RTL1: variants seen among roughly 807,000 people sequenced by gnomAD.
RTL1 encodes retrotransposon-like protein 1.
For synonymous variants in RTL1, 727 were observed against 748.4 expected (o/e 0.97, Z 0.47); for missense variants, 1,681 against 1,767.5 (o/e 0.95, Z 0.88).
chr14:100,881,906 C>T lies in RTL1; in HGVS notation c.2883G>A (p.Arg961=). 1.2e-6 allele frequency: 2 copies of T among 1,613,574 alleles called. No individual in the cohort carries two copies. Among genetic ancestry groups the T allele is most frequent in the Non-Finnish European group, 1.7e-6 (2 of 1,180,026 alleles). ...TEDLASLNND[R]LTVLLPGHWV... ...AATGCCCGGGGAGAAGTACGGTGAG[C>T]CTGTCATTATTCAGAGAGGCTAGAT... The change falls in exon 4 of 4, where the codon AGG becomes AGA. Residue 961 remains arginine, a synonymous_variant. Coordinates refer to ENST00000649591, the MANE Select transcript of RTL1 (RefSeq NM_001134888.3). The surrounding 1 kb of genome is among the most constrained non-coding windows in gnomAD (Gnocchi z 6.6).
Position 100,883,972 on chromosome 14 carries a change from C to A in RTL1, c.817G>T (p.Ala273Ser), listed in dbSNP as rs1335267869. 3 of 1,551,692 alleles carry A rather than the reference C, an allele frequency of 1.9e-6. No homozygotes were observed. The highest frequency in any genetic ancestry group is 2.6e-6 in the Non-Finnish European group (3 of 1,147,002). The change falls in exon 4 of 4, where the codon GCC becomes TCC. Residue 273 changes from alanine (A) to serine (S), a missense_variant. Physicochemically the swap from Ala to Ser is moderately conservative, Grantham distance 99. Coordinates refer to ENST00000649591, the MANE Select transcript of RTL1 (RefSeq NM_001134888.3). The surrounding 1 kb of genome is among the most constrained non-coding windows in gnomAD (Gnocchi z 5.9). ...CGGTACTCAAACACTTCGGACATGG[C>A]CTCCAGGAAGGCTGGGAAGTCTCCG... ...LIGDFPAFLE[A>S]MSEVFEYRQA...
intron 2 of RTL1, among the ~76,000 whole-genome samples, chr14:100,903,011 C>T (rs770572345): frequency 1.7e-4 from 26 of 152,190 alleles, no homozygotes; most frequent in Non-Finnish European, 2.9e-4. Context: ...CCGGAGGCAG[C>T]CCCCGGCCTG....
intron 2 of RTL1, among the ~76,000 whole-genome samples, 134 bp downstream of exon 2, chr14:100,903,157 C>G (rs147729385): frequency 1.8e-4 from 27 of 152,232 alleles, no homozygotes; most frequent in African/African-American, 6.0e-4. Flanking sequence ...CAGTTTTTCC[C>G]GGCGGCTTCC....
rs1305905537 is a variant in RTL1, at chr14:100,883,247, G to A, written c.1542C>T (p.Pro514=). The part of the protein sequence containing the change: ...LGIRWLRVHA[P]EVDWIKGRCT... ...AGCGGCCTTTGATCCAGTCGACTTC[G>A]GGGGCGTGGACTCGGAGCCAGCGGA... is the stretch of plus-strand genomic sequence containing the variant. The change falls in exon 4 of 4, where the codon CCC becomes CCT. Residue 514 remains proline (P), a synonymous_variant. Transcript: ENST00000649591. The surrounding 1 kb of genome is among the most constrained non-coding windows in gnomAD (Gnocchi z 5.9). The A allele has an allele frequency of 1.3e-6, 2 of 1,551,632 alleles. No homozygotes were observed. Among genetic ancestry groups the A allele is most frequent in the Non-Finnish European group, 1.7e-6 (2 of 1,146,950 alleles).
chr14:100,891,346 G>A (rs1273183535), intron 3 of RTL1, among the ~76,000 whole-genome samples: 1 of 152,222 alleles, frequency 6.6e-6, no homozygotes, highest in African/African-American at 2.4e-5. Flanking sequence ...GGCCCCATGG[G>A]CCTCGGACTT....
rs764009755 is a variant in RTL1, at chr14:100,883,295, C to T, written c.1494G>A (p.Pro498=). Residue 498 remains proline (P), a synonymous_variant, in exon 4 of 4, where the codon CCG becomes CCA. Coordinates refer to ENST00000649591, the MANE Select transcript of RTL1 (RefSeq NM_001134888.3). The surrounding 1 kb of genome is among the most constrained non-coding windows in gnomAD (Gnocchi z 5.9). The part of the protein sequence containing the change: ...ESIEFDIVPS[P]NFSVVLGIRW... Reference sequence around the variant, plus strand: ...GGATGCCTAGGACCACAGAGAAGTTCGGTGAAGGTACGATGTCAAATTCGA... The same window carrying T: ...GGATGCCTAGGACCACAGAGAAGTTTGGTGAAGGTACGATGTCAAATTCGA... The T allele has an allele frequency of 7.9e-5, 123 of 1,550,988 alleles. No individual in the cohort carries two copies. The African/African-American group carries it at 1.0e-3, about 13-fold the overall frequency.
At chr14:100,885,407 G>C (rs1359665700) in intron 3 of RTL1, among the ~76,000 whole-genome samples, 1 of 152,172 alleles carries the variant, frequency 6.6e-6, no homozygotes, top group Non-Finnish European at 1.5e-5. Flanking sequence ...TGCAGTGGAA[G>C]AGGAGAAAAT....
Position 100,881,219 on chromosome 14 carries a change from A to C in RTL1, c.3570T>G (p.Pro1190=). The C allele has an allele frequency of 6.5e-7, 1 of 1,545,914 alleles. No homozygotes were observed. Among genetic ancestry groups the C allele is most frequent in the Non-Finnish European group, 8.7e-7 (1 of 1,144,300 alleles). The change falls in exon 4 of 4, where the codon CCT becomes CCG. Residue 1190 remains proline (P), a synonymous_variant. Transcript: ENST00000649591. The surrounding 1 kb of genome is among the most constrained non-coding windows in gnomAD (Gnocchi z 6.6). ...SQAHRGLQFT[P]GFWLTLCEFF... ...ACTCACACAGCGTCAGCCAGAAGCC[A>C]GGGGTGAACTGCAGGCCTCGGTGGG...
chr14:100,898,506 T>G (rs1320406160), intron 2 of RTL1, among the ~76,000 whole-genome samples: 1 of 152,250 alleles, frequency 6.6e-6, no homozygotes, highest in Non-Finnish European at 1.5e-5. Flanking sequence ...CTGTCTTGCT[T>G]TAAAGCCTCC....
intron 2 of RTL1, chr14:100,898,934 C>G (rs913059800): frequency 2.0e-5 from 3 of 152,274 alleles, no homozygotes; most frequent in Non-Finnish European, 2.9e-5. Context: ...GTTACTCACC[C>G]TCCTTCCTTT....
chr14:100,896,450 G>C (rs2140054390), intron 2 of RTL1, among the ~76,000 whole-genome samples: 1 of 152,236 alleles, frequency 6.6e-6, no homozygotes, highest in East Asian at 1.9e-4. Context: ...TGTCTTCTTG[G>C]TGTCTGGGAG....
At position 100,884,049 on chromosome 14, in the gene RTL1, C is replaced by A. The variant is rs951097991; in HGVS notation, c.740G>T (p.Gly247Val). The A allele has an allele frequency of 6.4e-6, 10 of 1,551,692 alleles. No homozygotes were observed. The highest frequency in any genetic ancestry group is 8.7e-6 in the Non-Finnish European group (10 of 1,147,008). ...AGCTTTGGCCCATTCTAATGCCAAGCCGGACAGGTGATTGATGACATAGCC... is the reference window on the plus strand; with the variant it reads ...AGCTTTGGCCCATTCTAATGCCAAGACGGACAGGTGATTGATGACATAGCC... ...RVGYVINHLS[G>V]LALEWAKALL... The change falls in exon 4 of 4, where the codon GGC becomes GTC. Residue 247 changes from glycine (G) to valine (V), a missense_variant. Transcript: ENST00000649591.
Position 100,882,515 on chromosome 14 carries a change from A to T in RTL1, c.2274T>A (p.His758Gln). 1 of 1,551,888 alleles carries T rather than the reference A, an allele frequency of 6.4e-7. No homozygotes were observed. Among genetic ancestry groups the T allele is most frequent in the Non-Finnish European group, 8.7e-7 (1 of 1,147,080 alleles). ...TGTCCAGGGAGCAGTAGACGTTGTG[A>T]TGGCGGAAGCGGACCAGGACTTGGC... Reference protein sequence around the residue: ...HVRQVLVRFRHHNVYCSLDKS... With the variant: ...HVRQVLVRFRQHNVYCSLDKS... Residue 758 changes from histidine to glutamine, a missense_variant, in exon 4 of 4, where the codon CAT becomes CAA. Transcript: ENST00000649591.
At position 100,883,355 on chromosome 14, in the gene RTL1, G is replaced by A; in HGVS notation, c.1434C>T (p.Pro478=). 6.4e-7 allele frequency: 1 copy of A among 1,551,380 alleles called. No homozygotes were observed. The highest frequency in any genetic ancestry group is 8.7e-7 in the Non-Finnish European group (1 of 1,146,864). Residue 478 remains proline, a synonymous_variant, in exon 4 of 4, where the codon CCC becomes CCT. Transcript: ENST00000649591. This position sits in a 1 kb window ranked among gnomAD's most constrained non-coding sequence, Gnocchi z 5.9. ...GGTGGTTCTGGTGGATACACACCAG[G>A]GGCTCCGTGTAGAGCCAGACAGGCT... ...GNEPVWLYTE[P]LVCIHQNHQE... is the part of the protein sequence containing the mutation.
intron 2 of RTL1, among the ~76,000 whole-genome samples, chr14:100,895,367 TA>T (rs2038841359): frequency 6.6e-6 from 1 of 152,136 alleles, no homozygotes; most frequent in Non-Finnish European, 1.5e-5. Flanking sequence ...CATGTGGCTG[TA>T]AATCATCCTC....
chr14:100,899,390 G>A (rs1019407198), intron 2 of RTL1, among the ~76,000 whole-genome samples: 9 of 152,334 alleles, frequency 5.9e-5, no homozygotes, highest in South Asian at 2.1e-4. Flanking sequence ...CTGGAGTAAC[G>A]ATGAGGGGCT....
In RTL1 at chr14:100,879,936, C is replaced by T. The variant is rs946696044; in HGVS notation, c.*776G>A. ...TCCATCCCTGTATGAGGGGCCCCTG[C>T]ACCCCTGCACTGTCCAGTGTTCAGT... On this transcript the variant is annotated 3_prime_UTR_variant, in exon 4 of 4. Coordinates refer to ENST00000649591, the MANE Select transcript of RTL1 (RefSeq NM_001134888.3). Among the ~76,000 whole-genome samples the T allele has an allele frequency of 1.3e-5, 2 of 151,936 alleles. No individual in the cohort carries two copies. The highest frequency in any genetic ancestry group is 2.4e-5 in the African/African-American group (1 of 41,360).
Position 100,881,434 on chromosome 14 carries a change from G to C in RTL1, c.3355C>G (p.Gln1119Glu). ...PAPAMRVARP[Q>E]PQRSLRLILD... ...ATGAGTCGTAGGGAGCGCTGGGGCTGGGGCCGAGCCACCCGCATGGCGGGT... is the reference window on the plus strand; with the variant it reads ...ATGAGTCGTAGGGAGCGCTGGGGCTCGGGCCGAGCCACCCGCATGGCGGGT... The change falls in exon 4 of 4, where the codon CAG becomes GAG. Residue 1119 changes from glutamine (Q) to glutamate (E), a missense_variant. Physicochemically the swap from Gln to Glu is conservative, Grantham distance 29. Transcript: ENST00000649591. This position sits in a 1 kb window ranked among gnomAD's most constrained non-coding sequence, Gnocchi z 6.6. 6.4e-7 allele frequency: 1 copy of C among 1,550,834 alleles called. No individual in the cohort carries two copies. The highest frequency in any genetic ancestry group is 2.0e-5 in the Admixed American group (1 of 51,004).
At chr14:100,901,718 G>A (rs897290365) in intron 2 of RTL1, among the ~76,000 whole-genome samples, 4 of 152,136 alleles carry the variant, frequency 2.6e-5, no homozygotes, top group Non-Finnish European at 5.9e-5. Context: ...GCCAGGGCAG[G>A]TGCTTGGCCA....
Sources: gnomAD v4.1 joint callset for allele counts (sites outside exome capture counted in the v4.1 genomes callset) on GRCh38, gnomAD v4.1.1 for gene constraint, Gnocchi (gnomAD v3.1) non-coding constraint, MANE v1.5 for transcripts, NCBI Gene and HGNC (gene_info 2026-07-23, HGNC 2026-07-21) for gene names.